The following CFAP74 variants were observed in gnomAD, a reference collection of about 807,000 sequenced individuals.
CFAP74 encodes cilia- and flagella-associated protein 74.
In CFAP74, 124 loss-of-function variants were observed where a neutral mutation model predicts 188.9. The ratio of observed to expected loss-of-function variants is 0.66; its 90% CI spans 0.57 to 0.76. CFAP74 has a LOEUF of 0.76. CFAP74 is among the 30% of genes least tolerant of loss of function. The pLI is 0.00. For missense variants in CFAP74, 2,198 were observed against 2,165.2 expected (o/e 1.02, Z -0.30); for synonymous variants, 956 against 916.7 (o/e 1.04, Z -0.77).
intron 9 of CFAP74, among the ~76,000 whole-genome samples, chr1:1,971,495 C>T (rs937779629): frequency 7.2e-5 from 11 of 152,260 alleles, no homozygotes; most frequent in Admixed American, 1.3e-4. Context: ...CCAATGTTGA[C>T]GCCTGCAGAT....
chr1:1,947,558 GC>G (rs1653856578), intron 18 of CFAP74, among the ~76,000 whole-genome samples: 1 of 152,244 alleles, frequency 6.6e-6, no homozygotes, highest in Non-Finnish European at 1.5e-5. Flanking sequence ...CAGCAGCAAG[GC>G]CCCGGGTAGC....
intron 4 of CFAP74, chr1:1,987,958 A>C (rs1657347752): frequency 5.5e-6 from 2 of 362,096 alleles, no homozygotes; most frequent in African/African-American, 2.1e-5. Context: ...TATGCAGAAG[A>C]ACATTTGTCT....
intron 13 of CFAP74, 38 bp from the exon 14 acceptor site, chr1:1,963,905 CAGGGGGCTGTGCTGT>C: frequency 7.3e-7 from 1 of 1,377,478 alleles, no homozygotes; most frequent in Non-Finnish European, 1.0e-6. Flanking sequence ...GAGCGGGTCA[CAGGGGGCTGTGCTGT>C]GAGCACCGAG....
Position 1,956,798 on chromosome 1 carries a change from T to C in CFAP74, c.1852-14A>G, listed in dbSNP as rs139739570. 2,191 of 1,609,764 alleles carry C rather than the reference T, an allele frequency of 1.4e-3. 35 individuals are homozygous for C. The African/African-American group carries it at 0.026, about 19-fold the overall frequency. ...GTCGAGGGACAGCTGCCAGAGGACA[T>C]GGAGTGAACTCAGGGCCACCGTGCC... On this transcript the variant is annotated splice_polypyrimidine_tract_variant and intron_variant, in intron 16 of 38. Coordinates refer to ENST00000682832, the MANE Select transcript of CFAP74 (RefSeq NM_001304360.2).
chr1:1,927,591 C>G lies in CFAP74; in HGVS notation c.3527+16G>C. On this transcript the variant is annotated intron_variant, in intron 28 of 38. Transcript: ENST00000682832. ...GCCTGGAGGGAAGCAGGTGGGGCAG[C>G]CCCTCCTGGACCCACCTGGGCCTCA... 6.5e-7 allele frequency: 1 copy of G among 1,545,632 alleles called. No homozygotes were observed. Among genetic ancestry groups the G allele is most frequent in the East Asian group, 2.4e-5 (1 of 40,888 alleles).
chr1:1,983,979 G>A (rs1282398247), intron 6 of CFAP74: 2 of 145,954 alleles, frequency 1.4e-5, no homozygotes, highest in South Asian at 2.2e-4. Context: ...GTGAGCCACC[G>A]CGCCCAGCCA....
intron 18 of CFAP74, chr1:1,953,810 A>G (rs1029886697): frequency 6.5e-6 from 1 of 153,290 alleles, no homozygotes; most frequent in African/African-American, 2.4e-5. Context: ...ATTGCCTAAA[A>G]ATCATAAAAA....
At chr1:1,931,060 A>C (rs1652327745) in intron 25 of CFAP74, among the ~76,000 whole-genome samples, 1 of 152,180 alleles carries the variant, frequency 6.6e-6, no homozygotes, top group South Asian at 2.1e-4. Context: ...GGTAACAGAA[A>C]GTGTTCATTC....
At position 1,941,292 on chromosome 1, in the gene CFAP74, C is replaced by T. The variant is rs113345173; in HGVS notation, c.2615+736G>A. On this transcript the variant is annotated intron_variant, in intron 22 of 38. Coordinates refer to ENST00000682832, the MANE Select transcript of CFAP74 (RefSeq NM_001304360.2). ...CCCGTGCCTGCTGCGCCCACCTCCCCCACCAAGCTCCACTGAGCATCATTT... is the reference window on the plus strand; with the variant it reads ...CCCGTGCCTGCTGCGCCCACCTCCCTCACCAAGCTCCACTGAGCATCATTT... Among the ~76,000 whole-genome samples, 342 of 152,348 alleles carry T rather than the reference C, an allele frequency of 2.2e-3. 1 individual carries two copies. Among genetic ancestry groups the T allele is most frequent in the African/African-American group, 7.9e-3 (327 of 41,560 alleles).
intron 18 of CFAP74, among the ~76,000 whole-genome samples, chr1:1,951,993 A>G (rs765318200): frequency 3.3e-5 from 5 of 152,240 alleles, no homozygotes; most frequent in Non-Finnish European, 7.3e-5. Context: ...GCTTTGGCTC[A>G]GCACGCAGGG....
intron 6 of CFAP74, among the ~76,000 whole-genome samples, chr1:1,976,078 G>A (rs114074427): frequency 1.2e-3 from 185 of 152,330 alleles, no homozygotes; most frequent in African/African-American, 4.1e-3. Context: ...GTGTCCTCAC[G>A]TGGCAGAGGG....
At chr1:1,991,003 T>A (rs757951413) in intron 1 of CFAP74, 28 bp from the exon 2 acceptor site, 24 of 1,405,288 alleles carry the variant, frequency 1.7e-5, no homozygotes, top group Non-Finnish European at 2.3e-5. Flanking sequence ...AAAATATAGA[T>A]CAATAAAATC....
chr1:1,957,032 T>C (rs1654692328), intron 16 of CFAP74, among the ~76,000 whole-genome samples: 1 of 152,162 alleles, frequency 6.6e-6, no homozygotes, highest in Non-Finnish European at 1.5e-5. Flanking sequence ...AAGGGTTCAG[T>C]GAGAGGACGC....
intron 10 of CFAP74, among the ~76,000 whole-genome samples, chr1:1,969,896 G>A (rs1655812402): frequency 6.6e-6 from 1 of 152,266 alleles, no homozygotes; most frequent in Non-Finnish European, 1.5e-5. Context: ...GACTGGGATG[G>A]GGAGAAAGGG....
chr1:1,983,284 C>T (rs957337236), intron 6 of CFAP74, among the ~76,000 whole-genome samples: 1 of 152,224 alleles, frequency 6.6e-6, no homozygotes, highest in Non-Finnish European at 1.5e-5. Context: ...AAAGGGGACA[C>T]GGAGCGGGAT....
intron 1 of CFAP74, among the ~76,000 whole-genome samples, chr1:2,002,414 TCACCGC>T (rs992197937): frequency 1.3e-5 from 2 of 151,390 alleles, no homozygotes; most frequent in African/African-American, 4.8e-5. Flanking sequence ...GTGTGGTGGC[TCACCGC>T]CTGTAATTCC....
At chr1:1,980,886 C>T (rs539843241) in intron 6 of CFAP74, among the ~76,000 whole-genome samples, 4 of 152,340 alleles carry the variant, frequency 2.6e-5, no homozygotes, top group African/African-American at 7.2e-5. Context: ...CTGCCTTAGG[C>T]GGCTAAGGGC....
At chr1:1,958,910 C>T (rs1446367734) in intron 16 of CFAP74, among the ~76,000 whole-genome samples, 1 of 152,142 alleles carries the variant, frequency 6.6e-6, no homozygotes, top group South Asian at 2.1e-4. Context: ...AGCACTGGTC[C>T]GAGTGCCCCA....
intron 10 of CFAP74, among the ~76,000 whole-genome samples, chr1:1,969,661 G>A (rs917261859): frequency 1.3e-5 from 2 of 152,212 alleles, no homozygotes; most frequent in South Asian, 2.1e-4. Context: ...CCAGGCCTGC[G>A]CCAGGCTAAG....
Sources: allele counts gnomAD v4.1 joint callset (sites outside exome capture counted in the v4.1 genomes callset), GRCh38; gene constraint gnomAD v4.1.1; transcripts MANE v1.5; gene names NCBI Gene and HGNC (gene_info 2026-07-23, HGNC 2026-07-21).